Variants in GRM7 observed in about 807,000 individuals in gnomAD.
The protein encoded by GRM7 is glutamate metabotropic receptor 7.
Under a neutral mutation model 84.5 loss-of-function variants are expected in GRM7, and 35 were observed. That is an observed-to-expected ratio of 0.41 (90% CI 0.32 to 0.55). GRM7 has a LOEUF of 0.55. Among genes scored for constraint, GRM7 ranks in the 20% least tolerant of loss-of-function variants. GRM7 has a pLI of 0.19. For missense variants in GRM7, 1,003 were observed against 1,194.6 expected (o/e 0.84, Z 2.36); for synonymous variants, 487 against 455.1 (o/e 1.07, Z -0.89).
chr3:7,535,301 A>T (rs1042441706), intron 7 of GRM7: 5 of 152,222 alleles, frequency 3.3e-5, no homozygotes, highest in Non-Finnish European at 7.3e-5. Flanking sequence ...AAAAAGAAAA[A>T]AGAAAAAGAA....
chr3:7,301,997 A>G (rs1036427591), intron 3 of GRM7, among the ~76,000 whole-genome samples: 12 of 152,182 alleles, frequency 7.9e-5, no homozygotes, highest in Non-Finnish European at 1.3e-4. Flanking sequence ...TTTGGATTTT[A>G]GACAAGCGTG....
At chr3:7,713,119 G>GTTTTTTTTTTTTTTTTTTTTTTTTTTTTT (rs1553640882) in intron 9 of GRM7, among the ~76,000 whole-genome samples, 1 of 55,642 alleles carries the variant, frequency 1.8e-5, no homozygotes, top group African/African-American at 6.3e-5. Flanking sequence ...TTCGAATTTT[G>GTTTTTTTTTTTTTTTTTTTTTTTTTTTTT]TTTTGTTTTT....
chr3:6,981,080 G>A (rs1356335034), intron 1 of GRM7, among the ~76,000 whole-genome samples: 1 of 152,146 alleles, frequency 6.6e-6, no homozygotes, highest in Non-Finnish European at 1.5e-5. Flanking sequence ...AGAATTTTCA[G>A]AAGTTTGTAA....
intron 1 of GRM7, among the ~76,000 whole-genome samples, chr3:7,139,250 C>T (rs1053826532): frequency 4.6e-5 from 7 of 151,442 alleles, no homozygotes; most frequent in East Asian, 3.9e-4. Context: ...TTTCTTTTTA[C>T]GGTACTGAAC....
chr3:7,459,192 A>T (rs1698140214), intron 6 of GRM7, among the ~76,000 whole-genome samples: 1 of 152,206 alleles, frequency 6.6e-6, no homozygotes. Flanking sequence ...TCAGCTGTTG[A>T]CTCAAATTGG....
At chr3:7,357,859 T>C (rs949851932) in intron 4 of GRM7, among the ~76,000 whole-genome samples, 23 of 152,124 alleles carry the variant, frequency 1.5e-4, no homozygotes, top group African/African-American at 5.5e-4. Context: ...ACCAAGAAGA[T>C]TGCCTGTAAT....
intron 2 of GRM7, among the ~76,000 whole-genome samples, chr3:7,196,960 C>G (rs1381334611): frequency 6.6e-6 from 1 of 152,068 alleles, no homozygotes; most frequent in Non-Finnish European, 1.5e-5. Flanking sequence ...TCTTTTTAAT[C>G]AGGGGCAATT....
intron 4 of GRM7, among the ~76,000 whole-genome samples, chr3:7,364,509 T>C (rs1216866126): frequency 1.3e-5 from 2 of 151,834 alleles, no homozygotes; most frequent in African/African-American, 4.8e-5. Flanking sequence ...TTTATTTATA[T>C]AATTTGCTTT....
chr3:7,266,114 CCT>C (rs1183692493), intron 2 of GRM7, among the ~76,000 whole-genome samples: 3 of 152,048 alleles, frequency 2.0e-5, no homozygotes, highest in African/African-American at 4.8e-5. Context: ...AGAGAGAAAA[CCT>C]CTGATATTTC....
intron 4 of GRM7, among the ~76,000 whole-genome samples, chr3:7,317,427 T>C (rs1700623525): frequency 1.3e-5 from 2 of 152,128 alleles, no homozygotes; most frequent in South Asian, 2.1e-4. Context: ...TGATTTTGCA[T>C]ATGAGGTCAT....
chr3:7,551,681 G>T (rs551076629), intron 7 of GRM7, among the ~76,000 whole-genome samples: 4 of 151,838 alleles, frequency 2.6e-5, no homozygotes, highest in Non-Finnish European at 1.5e-5. Context: ...CACAATAAAT[G>T]AGAGCTATAA....
intron 2 of GRM7, among the ~76,000 whole-genome samples, chr3:7,161,926 C>A (rs1006061301): frequency 6.6e-6 from 1 of 152,112 alleles, no homozygotes; most frequent in African/African-American, 2.4e-5. Context: ...AGAAACAGGG[C>A]GAATGGAGCT....
At chr3:7,214,801 T>G (rs946049000) in intron 2 of GRM7, among the ~76,000 whole-genome samples, 5 of 152,208 alleles carry the variant, frequency 3.3e-5, no homozygotes, top group Admixed American at 1.3e-4. Context: ...GGGTTTGTTT[T>G]TTTTGTTGTT....
chr3:7,148,325 A>G (rs1048482726), intron 2 of GRM7, among the ~76,000 whole-genome samples: 11 of 152,246 alleles, frequency 7.2e-5, no homozygotes, highest in African/African-American at 2.7e-4. Flanking sequence ...TGAAAAGAAC[A>G]TATGGGTAAA....
At chr3:7,038,932 C>T (rs541578291) in intron 1 of GRM7, among the ~76,000 whole-genome samples, 2 of 152,120 alleles carry the variant, frequency 1.3e-5, no homozygotes, top group East Asian at 1.9e-4. Flanking sequence ...CATCAGAGGG[C>T]AGCAACATAA....
chr3:7,471,381 T>C (rs1451765390), intron 7 of GRM7, among the ~76,000 whole-genome samples: 1 of 152,156 alleles, frequency 6.6e-6, no homozygotes, highest in African/African-American at 2.4e-5. Flanking sequence ...TTTCTGCTCA[T>C]TCACGTTGCT....
chr3:7,602,557 T>C (rs1292604999), intron 8 of GRM7, among the ~76,000 whole-genome samples: 1 of 152,162 alleles, frequency 6.6e-6, no homozygotes, highest in East Asian at 1.9e-4. Flanking sequence ...TTCCGTGCTC[T>C]CCCCTGTGCC....
At chr3:7,724,171 G>A (rs1455574546) in intron 9 of GRM7, among the ~76,000 whole-genome samples, 1 of 152,132 alleles carries the variant, frequency 6.6e-6, no homozygotes, top group African/African-American at 2.4e-5. Context: ...ACGGAACCAT[G>A]CCTGCCTGTA....
At chr3:6,992,833 G>A (rs1286728869) in intron 1 of GRM7, among the ~76,000 whole-genome samples, 1 of 152,192 alleles carries the variant, frequency 6.6e-6, no homozygotes, top group Non-Finnish European at 1.5e-5. Context: ...CATTGGTCAA[G>A]CCAAATGTGA....
Sources: allele counts gnomAD v4.1 joint callset (sites outside exome capture counted in the v4.1 genomes callset), GRCh38; gene constraint gnomAD v4.1.1; transcripts MANE v1.5; gene names NCBI Gene and HGNC (gene_info 2026-07-23, HGNC 2026-07-21).